INSYN2B: variants seen among roughly 807,000 people sequenced by gnomAD.
INSYN2B encodes inhibitory synaptic factor family member 2B, also known as protein INSYN2B.
A neutral mutation model predicts 41.2 loss-of-function variants in INSYN2B; 16 were observed. That is an observed-to-expected ratio of 0.39 (90% CI 0.26 to 0.59). The LOEUF is 0.59. Among genes scored for constraint, INSYN2B ranks in the 20% least tolerant of loss-of-function variants. The probability of loss-of-function intolerance (pLI) is 0.57; values close to 1 mark genes in which losing one functional copy is unlikely to be tolerated. For synonymous variants in INSYN2B, 245 were observed against 244.4 expected (o/e 1.00, Z -0.02); for missense variants, 608 against 646.4 (o/e 0.94, Z 0.64).
intron 1 of INSYN2B, among the ~76,000 whole-genome samples, chr5:169,925,550 AGCCTGG>A (rs1775395298): frequency 1.5e-5 from 2 of 136,146 alleles, no homozygotes; most frequent in South Asian, 5.1e-4. Context: ...ACTGAACTCC[AGCCTGG>A]GCGACAGAGC....
At chr5:169,867,298 A>C (rs181719432) in intron 3 of INSYN2B, among the ~76,000 whole-genome samples, 5 of 152,256 alleles carry the variant, frequency 3.3e-5, no homozygotes, top group Non-Finnish European at 7.4e-5. Flanking sequence ...AGAGAAAGAG[A>C]CTTTGTTTCC....
intron 1 of INSYN2B, among the ~76,000 whole-genome samples, chr5:169,928,884 G>T (rs1775607948): frequency 6.6e-6 from 1 of 152,168 alleles, no homozygotes; most frequent in Non-Finnish European, 1.5e-5. Flanking sequence ...TCTATGCCCT[G>T]GGTGTTTCTG....
In INSYN2B at chr5:169,925,578, T is replaced by TAAAAAAAAAA. The variant is rs1561828965; in HGVS notation, c.-918-40763_-918-40762insTTTTTTTTTT. On this transcript the variant is annotated intron_variant, in intron 1 of 3. Transcript: ENST00000377365. ...CTGGGCGACAGAGCAAGACTCTGTC[T>TAAAAAAAAAA]TAAAAAAAAAAAAAAAAAAAAAAAA... 1.5e-4 allele frequency among the ~76,000 whole-genome samples: 5 copies of TAAAAAAAAAA among 32,324 alleles called. 1 individual carries two copies. Among genetic ancestry groups the TAAAAAAAAAA allele is most frequent in the African/African-American group, 6.4e-4 (5 of 7,838 alleles). The allele number at this position is 32,324 out of a possible 152,430, so 21.2% of individuals were successfully genotyped here.
At chr5:169,867,259 G>T (rs1162588296) in intron 3 of INSYN2B, among the ~76,000 whole-genome samples, 1 of 152,196 alleles carries the variant, frequency 6.6e-6, no homozygotes, top group South Asian at 2.1e-4. Context: ...TCCGGCCTTA[G>T]GCAGGTGACA....
At chr5:169,879,043 T>G (rs747488103) in intron 3 of INSYN2B, among the ~76,000 whole-genome samples, 10 of 152,186 alleles carry the variant, frequency 6.6e-5, no homozygotes, top group Non-Finnish European at 1.3e-4. Flanking sequence ...TAGAACCAGA[T>G]GACCCCACAT....
rs1218956347 is a variant in INSYN2B at position 169,882,744 on chromosome 5, C to G, written c.1155G>C (p.Arg385Ser). The change falls in exon 2 of 4, where the codon AGG becomes AGC. Residue 385 changes from arginine to serine, a missense_variant. Arg to Ser is a moderately radical substitution (Grantham distance 110, BLOSUM62 -1). Transcript: ENST00000377365. ...GSNHLPSSLS[R>S]SETKLQSNRE... Reference sequence around the variant, plus strand: ...TGTTGCTCTGAAGTTTGGTCTCACTCCTTGAAAGAGAGGATGGGAGATGAT... The same window carrying G: ...TGTTGCTCTGAAGTTTGGTCTCACTGCTTGAAAGAGAGGATGGGAGATGAT... The G allele has an allele frequency of 6.4e-7, 1 of 1,551,838 alleles. No individual in the cohort carries two copies. The highest frequency in any genetic ancestry group is 8.7e-7 in the Non-Finnish European group (1 of 1,146,994).
At chr5:169,947,298 G>C (rs34686000) in intron 1 of INSYN2B, among the ~76,000 whole-genome samples, 13 of 152,364 alleles carry the variant, frequency 8.5e-5, no homozygotes, top group African/African-American at 3.1e-4. Flanking sequence ...GTGAAGAGGA[G>C]ATGGGTCTTG....
chr5:169,924,827 G>A (rs1195433125), intron 1 of INSYN2B, among the ~76,000 whole-genome samples: 1 of 152,098 alleles, frequency 6.6e-6, no homozygotes, highest in Admixed American at 6.5e-5. Context: ...ACATGGGTAG[G>A]TAGGCATATT....
intron 1 of INSYN2B, among the ~76,000 whole-genome samples, chr5:169,913,192 G>C (rs1289064849): frequency 6.6e-6 from 1 of 152,214 alleles, no homozygotes; most frequent in Non-Finnish European, 1.5e-5. Flanking sequence ...AGCGGAGTCG[G>C]AATGTGCTAT....
chr5:169,919,124 T>C (rs1349285371), intron 1 of INSYN2B, among the ~76,000 whole-genome samples: 1 of 152,210 alleles, frequency 6.6e-6, no homozygotes, highest in Non-Finnish European at 1.5e-5. Flanking sequence ...GTGGAATTGA[T>C]CATTTATTTT....
chr5:169,892,835 A>C (rs1773376028), intron 1 of INSYN2B, among the ~76,000 whole-genome samples: 1 of 152,188 alleles, frequency 6.6e-6, no homozygotes, highest in African/African-American at 2.4e-5. Flanking sequence ...TAGCTGGATT[A>C]TCCTCTGGAT....
rs1771390219 is a variant in INSYN2B at position 169,864,226 on chromosome 5, C to T, written c.*47G>A. 1 of 1,485,532 alleles carries T rather than the reference C, an allele frequency of 6.7e-7. No homozygotes were observed. Among genetic ancestry groups the T allele is most frequent in the African/African-American group, 1.4e-5 (1 of 71,870 alleles). The allele number at this position is 1,485,532 out of a possible 1,614,324, so 92.0% of individuals were successfully genotyped here. On this transcript the variant is annotated 3_prime_UTR_variant, in exon 4 of 4. Transcript: ENST00000377365. Reference sequence around the variant, plus strand: ...CTTAAGTGCAGTGGATTTCCCATCTCAGGGAAGTGCGTGGAGTTGGGGGGC... The same window carrying T: ...CTTAAGTGCAGTGGATTTCCCATCTTAGGGAAGTGCGTGGAGTTGGGGGGC...
chr5:169,887,145 G>T (rs1367787592), intron 1 of INSYN2B, among the ~76,000 whole-genome samples: 2 of 152,166 alleles, frequency 1.3e-5, no homozygotes, highest in African/African-American at 4.8e-5. Flanking sequence ...GGACTGGAAA[G>T]ATTAATATTT....
At chr5:169,979,376 G>A (rs1777858776) in intron 1 of INSYN2B, among the ~76,000 whole-genome samples, 1 of 152,204 alleles carries the variant, frequency 6.6e-6, no homozygotes, top group Non-Finnish European at 1.5e-5. Flanking sequence ...GTACAGAGGG[G>A]CAGGACACAA....
intron 1 of INSYN2B, among the ~76,000 whole-genome samples, chr5:169,910,292 G>T (rs758484459): frequency 1.3e-5 from 2 of 152,156 alleles, no homozygotes; most frequent in Non-Finnish European, 2.9e-5. Context: ...GGTTACCACC[G>T]CATGGAATAT....
chr5:169,909,662 C>T (rs562952972), intron 1 of INSYN2B, among the ~76,000 whole-genome samples: 2 of 152,230 alleles, frequency 1.3e-5, no homozygotes, highest in African/African-American at 4.8e-5. Context: ...TCAAATCTGC[C>T]CTCTAAACCT....
intron 1 of INSYN2B, among the ~76,000 whole-genome samples, chr5:169,933,324 A>T (rs1775843362): frequency 6.6e-6 from 1 of 152,224 alleles, no homozygotes. Context: ...GGGGCTAATC[A>T]AATACAGATA....
chr5:169,974,359 T>C (rs373623868), intron 1 of INSYN2B, among the ~76,000 whole-genome samples: 4 of 152,216 alleles, frequency 2.6e-5, no homozygotes, highest in African/African-American at 9.7e-5. Flanking sequence ...ATCTGACTAA[T>C]ACTAACTTCT....
chr5:169,970,255 C>T (rs58826913), intron 1 of INSYN2B, among the ~76,000 whole-genome samples: 4,003 of 152,300 alleles, frequency 0.026, 189 homozygotes, highest in African/African-American at 0.092. Flanking sequence ...ACATGCATTC[C>T]ATCTTTTTTT....
Sources: gnomAD v4.1 joint callset for allele counts (sites outside exome capture counted in the v4.1 genomes callset) on GRCh38, gnomAD v4.1.1 for gene constraint, MANE v1.5 for transcripts, NCBI Gene and HGNC (gene_info 2026-07-23, HGNC 2026-07-21) for gene names.